HPSE: variants seen among roughly 807,000 people sequenced by gnomAD.
HPSE encodes endo-glucoronidase.
A neutral mutation model predicts 65.1 loss-of-function variants in HPSE; 48 were observed. The ratio of observed to expected loss-of-function variants is 0.74; its 90% confidence interval spans 0.58 to 0.94. The LOEUF is 0.94. Ranked by LOEUF, HPSE falls within the 40% of genes least tolerant of loss-of-function variation. HPSE has a pLI of 0.00. For synonymous variants in HPSE, 243 were observed against 260.0 expected (o/e 0.93, Z 0.63); for missense variants, 644 against 637.5 (o/e 1.01, Z -0.11).
chr4:83,307,989 G>A (rs1435818943), intron 8 of HPSE, among the ~76,000 whole-genome samples: 1 of 152,088 alleles, frequency 6.6e-6, no homozygotes, highest in African/African-American at 2.4e-5. Flanking sequence ...AGCCCCTCTG[G>A]TGGGACCTCA....
At chr4:83,313,535 G>C (rs1385872917) in intron 3 of HPSE, among the ~76,000 whole-genome samples, 1 of 152,136 alleles carries the variant, frequency 6.6e-6, no homozygotes, top group Non-Finnish European at 1.5e-5. Context: ...CTGACACTTA[G>C]GTTTTGTTCA....
At chr4:83,334,929 TC>T, upstream of HPSE, 1 of 1,255,222 alleles carries the variant, frequency 8.0e-7, no homozygotes, top group Non-Finnish European at 1.1e-6. Flanking sequence ...GCGCCCTCCA[TC>T]CCTCCCACTC....
intron 9 of HPSE, among the ~76,000 whole-genome samples, chr4:83,302,669 G>T (rs1735998465): frequency 6.6e-6 from 1 of 152,160 alleles, no homozygotes; most frequent in Non-Finnish European, 1.5e-5. Flanking sequence ...ACTTCTGTCT[G>T]TTTAGAGACA....
rs183836228 is a variant in HPSE, at chr4:83,318,732, G to A, written c.499+612C>T. Among the ~76,000 whole-genome samples the A allele has an allele frequency of 5.5e-3, 830 of 151,496 alleles. 3 individuals carry two copies. Among genetic ancestry groups the A allele is most frequent in the Middle Eastern group, 0.017 (5 of 292 alleles). The stretch of plus-strand genomic sequence containing the variant: ...TCTCAAAAAAAAAAAAAAAAAAGGG[G>A]GTTCCTTGTTTCACTTGCTTTAAAG... On this transcript the variant is annotated intron_variant, in intron 3 of 11. Coordinates refer to ENST00000311412, the MANE Select transcript of HPSE (RefSeq NM_001098540.3).
At position 83,334,745 on chromosome 4, in the gene HPSE, A is replaced by AGCG. The variant is rs760478160; in HGVS notation, c.35_37dup (p.Pro12dup). 1.5e-5 allele frequency: 24 copies of AGCG among 1,555,848 alleles called. No individual in the cohort carries two copies. Among genetic ancestry groups the AGCG allele is most frequent in the Middle Eastern group, 3.8e-4 (2 of 5,274 alleles). ...CAGCGGCCCCAGGAGCAGCAGCATC[A>AGCG]GCGGCGGCGGCAGCGCAGGCTTCGA... On this transcript the variant is annotated inframe_insertion, in exon 1 of 12. Transcript: ENST00000311412.
chr4:83,329,267 T>C (rs746324731), intron 1 of HPSE, among the ~76,000 whole-genome samples: 10 of 152,350 alleles, frequency 6.6e-5, no homozygotes, highest in South Asian at 2.1e-4. Flanking sequence ...AAATGGCTTA[T>C]TAATATACAT....
chr4:83,314,196 T>A (rs1346238963), intron 3 of HPSE, among the ~76,000 whole-genome samples: 1 of 147,534 alleles, frequency 6.8e-6, no homozygotes, highest in Non-Finnish European at 1.5e-5. Context: ...AGGTCAAGGC[T>A]GCAGTGAGCC....
At chr4:83,296,970 G>A (rs929873222) in intron 11 of HPSE, among the ~76,000 whole-genome samples, 3 of 152,102 alleles carry the variant, frequency 2.0e-5, no homozygotes, top group African/African-American at 4.8e-5. Flanking sequence ...ACCATGGACC[G>A]CATATATAAG....
chr4:83,313,068 T>A, intron 4 of HPSE, 46 bp downstream of exon 4: 1 of 1,107,090 alleles, frequency 9.0e-7, no homozygotes, highest in Non-Finnish European at 1.3e-6. Flanking sequence ...GAAATAATGC[T>A]AGTGGGGGAT....
At chr4:83,330,346 G>T (rs1373220790) in intron 1 of HPSE, among the ~76,000 whole-genome samples, 1 of 152,216 alleles carries the variant, frequency 6.6e-6, no homozygotes, top group East Asian at 1.9e-4. Context: ...CCTGCAAAGG[G>T]CTCCAGGGCA....
At position 83,294,261 on chromosome 4, in the gene HPSE, C is replaced by A. The variant is rs549932941; in HGVS notation, c.*1083G>T. 1 of 152,210 alleles carries A rather than the reference C, an allele frequency of 6.6e-6. No homozygotes were observed. Among genetic ancestry groups the A allele is most frequent in the Non-Finnish European group, 1.5e-5 (1 of 68,110 alleles). 9.4% of individuals were successfully genotyped at this position (152,210 alleles called of 1,614,324 possible). On this transcript the variant is annotated 3_prime_UTR_variant, in exon 12 of 12. Transcript: ENST00000311412. ...TTTTTTAGTAGAGATGGGGTTTCACCATGTTGGCCAGGCTGGTATCAAATT... is the reference window on the plus strand; with the variant it reads ...TTTTTTAGTAGAGATGGGGTTTCACAATGTTGGCCAGGCTGGTATCAAATT...
chr4:83,331,488 G>A (rs1737372874), intron 1 of HPSE, among the ~76,000 whole-genome samples: 1 of 152,192 alleles, frequency 6.6e-6, no homozygotes, highest in South Asian at 2.1e-4. Context: ...CCATTGGACA[G>A]TGTTGATTTA....
rs148364038 is a variant in HPSE at position 83,306,232 on chromosome 4, A to G, written c.1177T>C (p.Leu393=). The change falls in exon 9 of 12, where the codon TTA becomes CTA. Residue 393 remains leucine, a synonymous_variant. Transcript: ENST00000311412. ...QVFFGAGNYH[L]VDENFDPLPD... Reference sequence around the variant, plus strand: ...AAAGGATCGAAGTTTTCATCCACTAAATGGTAGTTTCCTGCTCCAAAGAAT... The same window carrying G: ...AAAGGATCGAAGTTTTCATCCACTAGATGGTAGTTTCCTGCTCCAAAGAAT... The G allele has an allele frequency of 3.8e-4, 611 of 1,611,620 alleles. 4 individuals carry two copies. The African/African-American group carries it at 7.2e-3, about 19-fold the overall frequency.
Position 83,295,298 on chromosome 4 carries a change from T to A in HPSE, c.*46A>T. The A allele has an allele frequency of 6.5e-7, 1 of 1,527,148 alleles. No individual in the cohort carries two copies. The allele number at this position is 1,527,148 out of a possible 1,614,324, so 94.6% of individuals were successfully genotyped here. A position where few individuals can be genotyped will look rare whatever the true frequency, so the allele number is the denominator to read the frequency against. On this transcript the variant is annotated 3_prime_UTR_variant, in exon 12 of 12. Coordinates refer to ENST00000311412, the MANE Select transcript of HPSE (RefSeq NM_001098540.3). ...TCCTATAACTTGAGTTGCTTTACTC[T>A]TAGTATACTTGAAAAATTCAGTGTC... is the stretch of plus-strand genomic sequence containing the variant.
chr4:83,305,057 G>A (rs1038169096), intron 9 of HPSE, among the ~76,000 whole-genome samples: 16 of 152,188 alleles, frequency 1.1e-4, no homozygotes, highest in African/African-American at 3.6e-4. Flanking sequence ...CATGTAGAGT[G>A]AGTTTAAGTC....
rs1174069087 is a variant in HPSE at position 83,326,544 on chromosome 4, A to G, written c.228-4180T>C. 1.3e-5 allele frequency among the ~76,000 whole-genome samples: 2 copies of G among 152,246 alleles called. No individual in the cohort carries two copies. Among genetic ancestry groups the G allele is most frequent in the East Asian group, 3.8e-4 (2 of 5,200 alleles). On this transcript the variant is annotated intron_variant, in intron 1 of 11. Coordinates refer to ENST00000311412, the MANE Select transcript of HPSE (RefSeq NM_001098540.3). The surrounding 1 kb of genome is among the most constrained non-coding windows in gnomAD (Gnocchi z 4.2). ...AGATACCAATGGAACACCAAAAAAC[A>G]TACTTCCATCCATCAGGCGCTTCGC... is the stretch of plus-strand genomic sequence containing the variant.
At chr4:83,312,841 C>CAAAAAAAAAA (rs1200808673) in intron 4 of HPSE, among the ~76,000 whole-genome samples, 11 of 10,992 alleles carry the variant, frequency 1.0e-3, no homozygotes, top group Admixed American at 1.5e-3. Flanking sequence ...ACTAAAAATG[C>CAAAAAAAAAA]AAAAAAAAAA....
chr4:83,309,502 T>A lies in HPSE; in HGVS notation c.891-7A>T. ...CCGTCCATTCAAATAGTAGCTAAAT[T>A]ACACAGAAAATATTCAGAAAAAAAA... On this transcript the variant is annotated splice_region_variant and splice_polypyrimidine_tract_variant and intron_variant, in intron 6 of 11. Coordinates refer to ENST00000311412, the MANE Select transcript of HPSE (RefSeq NM_001098540.3). The A allele has an allele frequency of 7.3e-7, 1 of 1,367,414 alleles. No homozygotes were observed. Among genetic ancestry groups the A allele is most frequent in the Non-Finnish European group, 1.0e-6 (1 of 969,144 alleles). The allele number at this position is 1,367,414 out of a possible 1,614,324, so 84.7% of individuals were successfully genotyped here. A position where few individuals can be genotyped will look rare whatever the true frequency, so the allele number is the denominator to read the frequency against.
intron 1 of HPSE, among the ~76,000 whole-genome samples, chr4:83,324,210 C>T (rs1286224181): frequency 6.7e-6 from 1 of 149,602 alleles, no homozygotes; most frequent in African/African-American, 2.5e-5. Context: ...CAGCCTCCAC[C>T]TCCTGGGCTC....
Sources: allele counts gnomAD v4.1 joint callset (sites outside exome capture counted in the v4.1 genomes callset), GRCh38; gene constraint gnomAD v4.1.1; non-coding constraint Gnocchi (gnomAD v3.1); transcripts MANE v1.5; gene names NCBI Gene and HGNC (gene_info 2026-07-23, HGNC 2026-07-21).